Variants in SDC4 observed in about 807,000 individuals in gnomAD.
SDC4 encodes syndecan 4.
A neutral mutation model predicts 20.5 loss-of-function variants in SDC4; 17 were observed. That is an observed-to-expected ratio of 0.83 (90% confidence interval 0.57 to 1.25). The LOEUF (loss-of-function observed/expected upper bound fraction) is 1.25, where lower values mean the gene tolerates loss of function less well. Ranked by LOEUF, SDC4 falls within the 50% of genes most tolerant of loss-of-function variation. The probability of loss-of-function intolerance (pLI) is 0.00; values close to 1 mark genes in which losing one functional copy is unlikely to be tolerated. For synonymous variants in SDC4, 107 were observed against 105.3 expected, an observed-to-expected ratio of 1.02 and a Z score of -0.10; for missense variants, 241 against 252.3, an observed-to-expected ratio of 0.96 and a Z score of 0.30.
chr20:45,341,866 C>G (rs1371196142), intron 1 of SDC4, among the ~76,000 whole-genome samples: 1 of 152,140 alleles, frequency 6.6e-6, no homozygotes, highest in Non-Finnish European at 1.5e-5. Flanking sequence ...AGGAGCTGAC[C>G]CAGCACCCTT....
chr20:45,335,746 C>T (rs750014970), intron 2 of SDC4, 36 bp downstream of exon 2: 32 of 1,606,416 alleles, frequency 2.0e-5, no homozygotes, highest in Non-Finnish European at 6.0e-6. Flanking sequence ...CTCCCTCCAG[C>T]TTTGTGCCTA....
At chr20:45,340,769 G>A (rs1027233633) in intron 1 of SDC4, among the ~76,000 whole-genome samples, 1 of 152,208 alleles carries the variant, frequency 6.6e-6, no homozygotes. Context: ...GCCAAATTTA[G>A]TGGGGAGAGG....
In SDC4 at chr20:45,348,390, C is replaced by A; in HGVS notation, c.-6G>T. On this transcript the variant is annotated 5_prime_UTR_variant, in exon 1 of 5. Transcript: ENST00000372733. ...AACAGACGGGCGGGGGCCATGGCAC[C>A]GCGGACTGGAGAAGGCGCGCAGGCT... 2 of 1,569,668 alleles carry A rather than the reference C, an allele frequency of 1.3e-6. No individual in the cohort carries two copies. The highest frequency in any genetic ancestry group is 2.4e-5 in the East Asian group (1 of 41,086).
intron 1 of SDC4, among the ~76,000 whole-genome samples, chr20:45,340,494 G>T (rs956638215): frequency 3.3e-5 from 5 of 152,148 alleles, no homozygotes; most frequent in African/African-American, 1.2e-4. Context: ...AGCCTAACCC[G>T]CCAGTCCACA....
At chr20:45,345,284 T>A (rs1568909636) in intron 1 of SDC4, 1 of 152,166 alleles carries the variant, frequency 6.6e-6, no homozygotes, top group Admixed American at 6.5e-5. Flanking sequence ...TCAAGTTAAT[T>A]CCTTCAAGAG....
chr20:45,348,249 C>G, intron 1 of SDC4, 76 bp downstream of exon 1: 1 of 1,304,152 alleles, frequency 7.7e-7, no homozygotes, highest in Non-Finnish European at 1.1e-6. Context: ...CCCCCCATCC[C>G]ACGCTCCGAC....
chr20:45,332,238 C>A (rs546315789), intron 3 of SDC4, among the ~76,000 whole-genome samples: 1 of 151,554 alleles, frequency 6.6e-6, no homozygotes, highest in African/African-American at 2.4e-5. Flanking sequence ...CCACTGCAAT[C>A]TCTGCCTCTC....
Position 45,344,517 on chromosome 20 carries a change from G to A in SDC4, c.60+3808C>T, listed in dbSNP as rs867737263. 3.3e-5 allele frequency among the ~76,000 whole-genome samples: 5 copies of A among 152,344 alleles called. No homozygotes were observed. In the South Asian group the frequency reaches 1.0e-3, roughly 32 times the overall value. On this transcript the variant is annotated intron_variant, in intron 1 of 4. Transcript: ENST00000372733. The stretch of plus-strand genomic sequence containing the variant: ...AAATCACACTCGCCTGTCCAGTCCG[G>A]GAGGTTGAAGGACAGCTAGGAGCCA...
chr20:45,336,949 C>T (rs1010091751), intron 1 of SDC4, among the ~76,000 whole-genome samples: 3 of 152,076 alleles, frequency 2.0e-5, no homozygotes, highest in African/African-American at 7.2e-5. Flanking sequence ...ACAATCCCTA[C>T]CCTCACAGAC....
chr20:45,328,211 C>T (rs1006472113), intron 4 of SDC4, among the ~76,000 whole-genome samples: 1 of 152,166 alleles, frequency 6.6e-6, no homozygotes, highest in Non-Finnish European at 1.5e-5. Flanking sequence ...ATTCCAAACT[C>T]TTATGTTACA....
At position 45,330,528 on chromosome 20, in the gene SDC4, A is replaced by G; in HGVS notation, c.283T>C (p.Ser95Pro). 1 of 1,613,968 alleles carries G rather than the reference A, an allele frequency of 6.2e-7. No homozygotes were observed. Among genetic ancestry groups the G allele is most frequent in the African/African-American group, 1.3e-5 (1 of 74,954 alleles). ...LDNHIPERAG[S>P]GSQVPTEPKK... ...GGTTCGGTGGGGACTTGGCTCCCAGACCCTGCCCTCTCAGGGATATGGTTA... is the reference window on the plus strand; with the variant it reads ...GGTTCGGTGGGGACTTGGCTCCCAGGCCCTGCCCTCTCAGGGATATGGTTA... Residue 95 changes from serine to proline, a missense_variant, in exon 4 of 5, where the codon TCT (serine) becomes CCT (proline). Ser to Pro is a moderately conservative substitution (Grantham distance 74). Coordinates refer to ENST00000372733, the MANE Select transcript of SDC4 (RefSeq NM_002999.4).
chr20:45,345,876 C>G (rs1158818200), intron 1 of SDC4: 1 of 152,156 alleles, frequency 6.6e-6, no homozygotes, highest in Non-Finnish European at 1.5e-5. Context: ...GGGTACTGAG[C>G]CTGGGTTCCC....
intron 4 of SDC4, 97 bp from the exon 5 acceptor site, chr20:45,327,512 A>G: frequency 7.5e-7 from 1 of 1,341,096 alleles, no homozygotes; most frequent in Admixed American, 2.3e-5. Context: ...TCTTACAACC[A>G]GACATCCTCA....
intron 3 of SDC4, 25 bp from the exon 4 acceptor site, chr20:45,330,589 ACACT>A (rs777096841): frequency 1.2e-4 from 189 of 1,605,640 alleles, no homozygotes; most frequent in Non-Finnish European, 1.6e-4. Context: ...AGGAGAAGAG[ACACT>A]CAGCGTATTT....
intron 1 of SDC4, among the ~76,000 whole-genome samples, chr20:45,339,897 T>C (rs930358174): frequency 5.3e-5 from 8 of 152,198 alleles, no homozygotes; most frequent in Non-Finnish European, 8.8e-5. Context: ...TCTTTTGTTC[T>C]ACAGAAACTA....
At chr20:45,340,482 C>G (rs550868690) in intron 1 of SDC4, among the ~76,000 whole-genome samples, 11 of 152,332 alleles carry the variant, frequency 7.2e-5, no homozygotes, top group African/African-American at 2.6e-4. Context: ...TCACTTCTCT[C>G]CAGCCTAACC....
In SDC4 at chr20:45,327,179, A is replaced by G; in HGVS notation, c.*85T>C. 6.9e-7 allele frequency: 1 copy of G among 1,450,674 alleles called. No individual in the cohort carries two copies. Among genetic ancestry groups the G allele is most frequent in the Admixed American group, 1.7e-5 (1 of 58,234 alleles). The allele number at this position is 1,450,674 out of a possible 1,614,324, so 89.9% of individuals were successfully genotyped here. The stretch of plus-strand genomic sequence containing the variant: ...ATACTGACAAGTCAGTATTAGGTTG[A>G]CCTCACCCTACCCTAATGTCCACCC... On this transcript the variant is annotated 3_prime_UTR_variant, in exon 5 of 5. Transcript: ENST00000372733.
At chr20:45,328,691 G>A (rs1600728139) in intron 4 of SDC4, among the ~76,000 whole-genome samples, 2 of 152,150 alleles carry the variant, frequency 1.3e-5, no homozygotes, top group South Asian at 2.1e-4. Flanking sequence ...TCCCTAATTC[G>A]GTCTTACTCG....
chr20:45,333,376 T>C (rs1987808720), intron 2 of SDC4, among the ~76,000 whole-genome samples: 2 of 152,136 alleles, frequency 1.3e-5, no homozygotes, highest in South Asian at 4.1e-4. Context: ...GTTAGAAATG[T>C]AGAATTTCAA....
Sources: gnomAD v4.1 joint callset for allele counts (sites outside exome capture counted in the v4.1 genomes callset) on GRCh38, gnomAD v4.1.1 for gene constraint, MANE v1.5 for transcripts, NCBI Gene and HGNC (gene_info 2026-07-23, HGNC 2026-07-21) for gene names.